ISLR2: variants seen among roughly 807,000 people sequenced by gnomAD.
ISLR2 encodes immunoglobulin superfamily containing leucine rich repeat 2.
A neutral mutation model predicts 25.5 loss-of-function variants in ISLR2; 16 were observed. The ratio of observed to expected loss-of-function variants is 0.63; its 90% confidence interval spans 0.43 to 0.95. The LOEUF is 0.95. Ranked by LOEUF, ISLR2 falls within the 40% of genes least tolerant of loss-of-function variation. The pLI, the probability that ISLR2 is intolerant of heterozygous loss-of-function variation, is 0.00. For missense variants in ISLR2, 883 were observed against 1,030.7 expected, an observed-to-expected ratio of 0.86 and a Z score of 1.96; for synonymous variants, 508 against 486.6, an observed-to-expected ratio of 1.04 and a Z score of -0.58.
chr15:74,126,239 G>A (rs780874701), upstream of ISLR2: 3 of 151,504 alleles, frequency 2.0e-5, no homozygotes, highest in Non-Finnish European at 2.9e-5. Flanking sequence ...GGCTAATTCA[G>A]CTATTATATA....
chr15:74,132,696 T>G lies in ISLR2; in HGVS notation c.-8-51T>G, dbSNP rs2072449081. 1 of 1,565,560 alleles carries G rather than the reference T, an allele frequency of 6.4e-7. No individual in the cohort carries two copies. On this transcript the variant is annotated intron_variant, in intron 2 of 2. Coordinates refer to ENST00000453268, the MANE Select transcript of ISLR2 (RefSeq NM_020851.3). This position sits in a 1 kb window ranked among gnomAD's most constrained non-coding sequence, Gnocchi z 4.3. ...GCACAGCTTGATAGGGGAGGTAAGC[T>G]GGGGTTCAGTGAGTCACCTTCTTTC...
chr15:74,127,032 C>G (rs2072307822), upstream of ISLR2: 1 of 151,780 alleles, frequency 6.6e-6, no homozygotes, highest in Non-Finnish European at 1.5e-5. Flanking sequence ...TGGGGAAGGT[C>G]TCCGCAGCCT....
Position 74,135,271 on chromosome 15 carries a change from T to C in ISLR2, c.*279T>C. 1 of 424,954 alleles carries C rather than the reference T, an allele frequency of 2.4e-6. No homozygotes were observed. The highest frequency in any genetic ancestry group is 4.5e-6 in the Non-Finnish European group (1 of 223,714). 26.3% of individuals were successfully genotyped at this position (424,954 alleles called of 1,614,324 possible). A position where few individuals can be genotyped will look rare whatever the true frequency, so the allele number is the denominator to read the frequency against. On this transcript the variant is annotated 3_prime_UTR_variant, in exon 3 of 3. Transcript: ENST00000453268. ...CATGCAAGACTCCACCCGCAGACGG[T>C]GGGCGATATCTATGTCCCTCCATTC...
At chr15:74,128,664 A>G (rs1481511782), upstream of ISLR2, 2 of 456,190 alleles carry the variant, frequency 4.4e-6, no homozygotes, top group Non-Finnish European at 8.8e-6. Context: ...ATAGGTAAAA[A>G]CCGGCGGAGG....
chr15:74,128,726 G>T (rs1282300973), upstream of ISLR2: 1 of 451,226 alleles, frequency 2.2e-6, no homozygotes. Flanking sequence ...AAAGTCCCCT[G>T]GACACGCCAT....
chr15:74,117,744 T>G (rs2072221821), intron 2 of ISLR2, among the ~76,000 whole-genome samples: 1 of 152,216 alleles, frequency 6.6e-6, no homozygotes, highest in Non-Finnish European at 1.5e-5. Context: ...TCCCCTGGAA[T>G]GCCATCAGTT....
intron 2 of ISLR2, among the ~76,000 whole-genome samples, chr15:74,121,858 T>G (rs1466690860): frequency 1.3e-5 from 2 of 152,164 alleles, no homozygotes; most frequent in Admixed American, 6.5e-5. Flanking sequence ...TGAGATGCCC[T>G]CTCTATGGGG....
In ISLR2 at chr15:74,118,285, G is replaced by T. The variant is rs535130830; in HGVS notation, n.229-12922G>T. Among the ~76,000 whole-genome samples the T allele has an allele frequency of 7.9e-5, 12 of 152,232 alleles. No individual in the cohort carries two copies. In the South Asian group the frequency reaches 2.5e-3, roughly 32 times the overall value. On this transcript the variant is annotated intron_variant and non_coding_transcript_variant, in intron 2 of 3. Transcript: ENST00000561975. ...GGGAGGGAGTGTACGAATAGGGTGT[G>T]GGTCACAGAGATCACATGCTTCACA... is the stretch of plus-strand genomic sequence containing the variant.
chr15:74,126,886 G>A (rs2072303135), upstream of ISLR2: 1 of 151,304 alleles, frequency 6.6e-6, no homozygotes, highest in African/African-American at 2.5e-5. Context: ...TGTGGGGCTG[G>A]AGAGAACATT....
Position 74,134,074 on chromosome 15 carries a change from T to C in ISLR2, c.1320T>C (p.Ser440=), listed in dbSNP as rs562442248. Residue 440 remains serine (S), a synonymous_variant, in exon 3 of 3, where the codon AGT becomes AGC. Coordinates refer to ENST00000453268, the MANE Select transcript of ISLR2 (RefSeq NM_020851.3). The stretch of plus-strand genomic sequence containing the variant: ...AGACGGAGCCGGAGGAGGACACAAG[T>C]GAGGGAGAGGAGGCCGAAGACCAGA... The part of the protein sequence containing the change: ...ETETEPEEDT[S]EGEEAEDQIL... The C allele has an allele frequency of 4.0e-5, 64 of 1,612,816 alleles. 1 individual carries two copies. Among genetic ancestry groups the C allele is most frequent in the Non-Finnish European group, 4.5e-5 (53 of 1,179,658 alleles).
At chr15:74,122,540 T>C (rs1219193151) in intron 2 of ISLR2, among the ~76,000 whole-genome samples, 1 of 152,226 alleles carries the variant, frequency 6.6e-6, no homozygotes, top group Non-Finnish European at 1.5e-5. Flanking sequence ...GTGCCTGAAA[T>C]CACACCTTTG....
chr15:74,124,699 C>A (rs1369846891), upstream of ISLR2, among the ~76,000 whole-genome samples: 2 of 152,228 alleles, frequency 1.3e-5, no homozygotes, highest in African/African-American at 4.8e-5. Flanking sequence ...GTGGAGGTTG[C>A]AGTGAGCCAA....
chr15:74,128,407 G>C (rs2072329769), upstream of ISLR2: 1 of 454,004 alleles, frequency 2.2e-6, no homozygotes, highest in Admixed American at 2.4e-5. Flanking sequence ...CTCCCGCCCA[G>C]GGGTGGTCAC....
At chr15:74,105,849 A>G (rs1404517390) in intron 2 of ISLR2, among the ~76,000 whole-genome samples, 1 of 152,154 alleles carries the variant, frequency 6.6e-6, no homozygotes, top group Non-Finnish European at 1.5e-5. Flanking sequence ...GAACTTTGAC[A>G]TTAATATACT....
chr15:74,133,103 A>C lies in ISLR2; in HGVS notation c.349A>C (p.Ser117Arg), dbSNP rs2072465307. ...SHNFISSFPW[S>R]DLRNLSALQL... ...CAACTTCATATCCAGCTTTCCGTGG[A>C]GCGACCTGCGCAACCTGAGCGCGCT... Residue 117 changes from serine to arginine, a missense_variant, in exon 3 of 3, where the codon AGC (serine) becomes CGC (arginine). Around this residue, in one of 2 missense-constraint regions of ISLR2, gnomAD observed 271 missense variants for 387.9 expected, o/e 0.70. Coordinates refer to ENST00000453268, the MANE Select transcript of ISLR2 (RefSeq NM_020851.3). The C allele has an allele frequency of 6.2e-7, 1 of 1,612,646 alleles. No individual in the cohort carries two copies. Among genetic ancestry groups the C allele is most frequent in the African/African-American group, 1.3e-5 (1 of 74,944 alleles).
downstream of ISLR2, among the ~76,000 whole-genome samples, chr15:74,138,070 C>G (rs1396947115): frequency 6.6e-6 from 1 of 152,046 alleles, no homozygotes; most frequent in South Asian, 2.1e-4. Flanking sequence ...TTCCCTGATC[C>G]TTTAACCTCC....
At chr15:74,120,566 GA>G (rs2072245181) in intron 2 of ISLR2, among the ~76,000 whole-genome samples, 1 of 151,540 alleles carries the variant, frequency 6.6e-6, no homozygotes, top group Non-Finnish European at 1.5e-5. Context: ...CGGGGAGGCA[GA>G]GGGTAGGTGA....
intron 2 of ISLR2, among the ~76,000 whole-genome samples, chr15:74,131,605 A>C (rs2072421711): frequency 6.6e-6 from 1 of 152,142 alleles, no homozygotes; most frequent in Non-Finnish European, 1.5e-5. Context: ...GTCCTTAGGC[A>C]CCGCAGAGCT....
intron 2 of ISLR2, among the ~76,000 whole-genome samples, chr15:74,107,881 C>T (rs2072133930): frequency 6.6e-6 from 1 of 152,202 alleles, no homozygotes; most frequent in Admixed American, 6.5e-5. Flanking sequence ...TCTCCAGGTA[C>T]ACCTGGGCAG....
Sources: gnomAD v4.1 joint callset for allele counts (sites outside exome capture counted in the v4.1 genomes callset) on GRCh38, gnomAD v4.1.1 for gene constraint, gnomAD v4.1.1 regional missense constraint, Gnocchi (gnomAD v3.1) non-coding constraint, MANE v1.5 for transcripts, NCBI Gene and HGNC (gene_info 2026-07-23, HGNC 2026-07-21) for gene names.